The following LYPLAL1 variants were observed in gnomAD, a reference collection of about 807,000 sequenced individuals.
LYPLAL1 encodes the protein lysophospholipase-like protein 1.
A neutral mutation model predicts 19.7 loss-of-function variants in LYPLAL1; 23 were observed. The observed-to-expected ratio is 1.17, with a 90% CI of 0.84 to 1.65. The LOEUF (loss-of-function observed/expected upper bound fraction) is 1.65, where lower values mean the gene tolerates loss of function less well. Among genes scored for constraint, LYPLAL1 ranks in the 40% most tolerant of loss-of-function variants. The probability of loss-of-function intolerance (pLI) is 0.00; values close to 1 mark genes in which losing one functional copy is unlikely to be tolerated. For missense variants in LYPLAL1, 355 were observed against 279.4 expected, an observed-to-expected ratio of 1.27 and a Z score of -1.93; for synonymous variants, 119 against 96.3, an observed-to-expected ratio of 1.24 and a Z score of -1.38.
the LYPLAL1 span, among the ~76,000 whole-genome samples, chr1:219,344,475 CTATTTTACGTGTATT>C: frequency 2.0e-5 from 3 of 152,156 alleles, no homozygotes; most frequent in African/African-American, 7.2e-5. Context: ...TACTTTGCAA[CTATTTTACGTGTATT>C]TTATCAGAAT....
the LYPLAL1 span, among the ~76,000 whole-genome samples, chr1:219,303,474 A>T: frequency 6.6e-6 from 1 of 152,226 alleles, no homozygotes; most frequent in African/African-American, 2.4e-5. Flanking sequence ...CATTTTGGCC[A>T]TGGAGCAGAT....
chr1:219,418,560 C>G, the LYPLAL1 span, among the ~76,000 whole-genome samples: 1 of 152,152 alleles, frequency 6.6e-6, no homozygotes, highest in African/African-American at 2.4e-5. Context: ...TACTTCCTGC[C>G]TCTACACATG....
At chr1:219,205,343 G>A (rs1192009485) in intron 3 of LYPLAL1, among the ~76,000 whole-genome samples, 24 of 123,594 alleles carry the variant, frequency 1.9e-4, no homozygotes, top group Admixed American at 1.0e-4. Context: ...CGGCCTGGGC[G>A]ACAGAGCGAG....
chr1:219,191,171 A>C (rs534358338), intron 2 of LYPLAL1, among the ~76,000 whole-genome samples: 2 of 151,598 alleles, frequency 1.3e-5, no homozygotes, highest in African/African-American at 4.8e-5. Flanking sequence ...TAGAAAGGTA[A>C]ATTTTTACAA....
At chr1:219,219,852 T>TC in the LYPLAL1 span, among the ~76,000 whole-genome samples, 2 of 152,094 alleles carry the variant, frequency 1.3e-5, no homozygotes, top group Non-Finnish European at 2.9e-5. Context: ...AACTAGTGAG[T>TC]CCTCTGTTGA....
At chr1:219,234,462 A>C in the LYPLAL1 span, among the ~76,000 whole-genome samples, 4 of 152,162 alleles carry the variant, frequency 2.6e-5, no homozygotes, top group Non-Finnish European at 5.9e-5. Context: ...CAATACTCAC[A>C]GAATACTAAG....
At chr1:219,227,010 TTCTG>T in the LYPLAL1 span, among the ~76,000 whole-genome samples, 4 of 152,236 alleles carry the variant, frequency 2.6e-5, no homozygotes, top group Non-Finnish European at 5.9e-5. Context: ...ATTTCAACTC[TTCTG>T]TCTTTGTACT....
At chr1:219,363,769 C>T in the LYPLAL1 span, among the ~76,000 whole-genome samples, 1 of 152,166 alleles carries the variant, frequency 6.6e-6, no homozygotes, top group Non-Finnish European at 1.5e-5. Flanking sequence ...GTTGGCAACC[C>T]AGGCCCAGGC....
chr1:219,409,069 TA>T, the LYPLAL1 span, among the ~76,000 whole-genome samples: 2 of 152,012 alleles, frequency 1.3e-5, no homozygotes, highest in African/African-American at 4.8e-5. Flanking sequence ...ATACTTCAAA[TA>T]AAAGAGGTAA....
the LYPLAL1 span, among the ~76,000 whole-genome samples, chr1:219,323,013 G>A: frequency 7.9e-5 from 12 of 152,202 alleles, no homozygotes; most frequent in Non-Finnish European, 1.6e-4. Context: ...AAAGATACTT[G>A]TGAAATCCAG....
At chr1:219,213,010 G>A (rs1260445669), downstream of LYPLAL1, 1 of 152,070 alleles carries the variant, frequency 6.6e-6, no homozygotes, top group Non-Finnish European at 1.5e-5. Flanking sequence ...TCTAGCAGCA[G>A]TGTATGAGAG....
At chr1:219,324,242 CCTGAATTTTAAG>C in the LYPLAL1 span, among the ~76,000 whole-genome samples, 1 of 152,122 alleles carries the variant, frequency 6.6e-6, no homozygotes, top group Non-Finnish European at 1.5e-5. Flanking sequence ...GGTTAAAGGC[CCTGAATTTTAAG>C]CTTCATTCTT....
chr1:219,214,361 G>T (rs1376304961), downstream of LYPLAL1, among the ~76,000 whole-genome samples: 1 of 151,970 alleles, frequency 6.6e-6, no homozygotes, highest in East Asian at 1.9e-4. Context: ...TTTGGTTTTG[G>T]TATCAGGACA....
At chr1:219,243,825 A>T in the LYPLAL1 span, among the ~76,000 whole-genome samples, 271 of 151,310 alleles carry the variant, frequency 1.8e-3, 1 homozygote, top group Non-Finnish European at 2.9e-3. Context: ...AGGCTGAGAC[A>T]GGAGAATCGC....
the LYPLAL1 span, among the ~76,000 whole-genome samples, chr1:219,313,522 A>T: frequency 1.1e-5 from 1 of 89,012 alleles, no homozygotes; most frequent in African/African-American, 3.7e-5. Context: ...TTTTCTTTTT[A>T]AAAAAACTTT....
chr1:219,362,058 C>T, the LYPLAL1 span, among the ~76,000 whole-genome samples: 1 of 152,068 alleles, frequency 6.6e-6, no homozygotes, highest in Non-Finnish European at 1.5e-5. Context: ...CTCTCCTCTG[C>T]GTTTTGATAG....
the LYPLAL1 span, among the ~76,000 whole-genome samples, chr1:219,248,091 A>G: frequency 6.6e-6 from 1 of 152,170 alleles, no homozygotes; most frequent in Non-Finnish European, 1.5e-5. Context: ...CAAATCAGAG[A>G]AAAGTATTAC....
chr1:219,284,986 A>T, the LYPLAL1 span, among the ~76,000 whole-genome samples: 1 of 152,256 alleles, frequency 6.6e-6, no homozygotes, highest in Admixed American at 6.5e-5. Flanking sequence ...AAATACTAAC[A>T]TGAAATTAAT....
chr1:219,239,960 G>T, the LYPLAL1 span, among the ~76,000 whole-genome samples: 5 of 152,310 alleles, frequency 3.3e-5, no homozygotes, highest in East Asian at 7.7e-4. Flanking sequence ...TGAAGAAAAG[G>T]TCACAGTATT....
Sources: gnomAD v4.1 joint callset for allele counts (sites outside exome capture counted in the v4.1 genomes callset) on GRCh38, gnomAD v4.1.1 for gene constraint, MANE v1.5 for transcripts, NCBI Gene and HGNC (gene_info 2026-07-23, HGNC 2026-07-21) for gene names.